The following PRPS2 variants were observed in gnomAD, a reference collection of about 807,000 sequenced individuals.
PRPS2 encodes phosphoribosyl pyrophosphate synthetase 2.
For missense variants in PRPS2, 104 were observed against 271.5 expected, an observed-to-expected ratio of 0.38 and a Z score of 4.34; for synonymous variants, 111 against 115.3, an observed-to-expected ratio of 0.96 and a Z score of 0.24.
chrX:12,820,808 T>C lies in PRPS2; in HGVS notation c.864+5T>C, dbSNP rs954669606. ...AAACACTGCACCAAGATTCAGGTAC[T>C]GTCTATACACCAAAGGCAGCCAAGC... On this transcript the variant is annotated splice_donor_5th_base_variant and intron_variant, in intron 6 of 6. Coordinates refer to ENST00000380668, the MANE Select transcript of PRPS2 (RefSeq NM_002765.5). 4 of 1,209,633 alleles carry C rather than the reference T, an allele frequency of 3.3e-6. No individual in the cohort carries two copies. Among genetic ancestry groups the C allele is most frequent in the Admixed American group, 4.4e-5 (2 of 45,888 alleles).
intron 2 of PRPS2, among the ~76,000 whole-genome samples, chrX:12,801,834 C>T (rs1025318231): frequency 8.9e-6 from 1 of 112,274 alleles, no homozygotes; most frequent in Non-Finnish European, 1.9e-5. Flanking sequence ...GTCTCGAACT[C>T]CTGACCTCAA....
At chrX:12,816,162 A>G (rs1454952162) in intron 4 of PRPS2, among the ~76,000 whole-genome samples, 1 of 111,576 alleles carries the variant, frequency 9.0e-6, no homozygotes, top group Non-Finnish European at 1.9e-5. Context: ...ATGGACCTCA[A>G]TATAGTAATG....
chrX:12,806,321 C>T (rs2042593548), intron 2 of PRPS2, among the ~76,000 whole-genome samples: 1 of 111,780 alleles, frequency 8.9e-6, no homozygotes, highest in Admixed American at 9.5e-5. Flanking sequence ...GTCAATTTTA[C>T]ACTTTTCAAA....
At chrX:12,797,285 G>A (rs1463793237) in intron 1 of PRPS2, among the ~76,000 whole-genome samples, 1 of 110,184 alleles carries the variant, frequency 9.1e-6, no homozygotes, top group East Asian at 2.8e-4. Flanking sequence ...TTGAACCTGG[G>A]TGGCAGAGGT....
chrX:12,791,829 G>A (rs1469131246), intron 1 of PRPS2, among the ~76,000 whole-genome samples: 1 of 111,955 alleles, frequency 8.9e-6, no homozygotes, highest in Non-Finnish European at 1.9e-5. Context: ...GCGCGCCTCG[G>A]CTGTGCCCCC....
At chrX:12,796,224 T>A (rs1198559014) in intron 1 of PRPS2, among the ~76,000 whole-genome samples, 2 of 63,255 alleles carry the variant, frequency 3.2e-5, no homozygotes, top group African/African-American at 9.6e-5. Context: ...TTTTTTTTTT[T>A]TTTTTTTTTT....
intron 1 of PRPS2, 55 bp from the exon 2 acceptor site, chrX:12,799,152 C>T (rs915426304): frequency 2.7e-5 from 31 of 1,141,298 alleles, no homozygotes; most frequent in Admixed American, 2.7e-4. Flanking sequence ...GTCTCAGGGA[C>T]GCCCAAGATG....
intron 2 of PRPS2, among the ~76,000 whole-genome samples, chrX:12,802,952 A>G (rs2042577371): frequency 8.9e-6 from 1 of 112,241 alleles, no homozygotes. Context: ...GTAGTGGCTT[A>G]GGAAGTCATG....
chrX:12,796,213 C>CTTTTTTT (rs751352461), intron 1 of PRPS2, among the ~76,000 whole-genome samples: 3 of 38,679 alleles, frequency 7.8e-5, no homozygotes, highest in Non-Finnish European at 9.7e-5. Flanking sequence ...ATAATTGGCT[C>CTTTTTTT]TTTTTTTTTT....
chrX:12,802,243 C>G (rs182893622), intron 2 of PRPS2, among the ~76,000 whole-genome samples: 1 of 112,167 alleles, frequency 8.9e-6, no homozygotes, highest in Admixed American at 9.4e-5. Flanking sequence ...AGTCCAGCCT[C>G]CATCCCCTAG....
chrX:12,811,029 C>T (rs2042621519), intron 4 of PRPS2, among the ~76,000 whole-genome samples: 1 of 110,785 alleles, frequency 9.0e-6, no homozygotes, highest in African/African-American at 3.3e-5. Flanking sequence ...GGAATGCACA[C>T]GAAAATGTGC....
At chrX:12,792,098 A>G (rs2147212336) in intron 1 of PRPS2, among the ~76,000 whole-genome samples, 1 of 112,719 alleles carries the variant, frequency 8.9e-6, no homozygotes, top group South Asian at 3.6e-4. Flanking sequence ...CGTGCGACTA[A>G]AGGTTTCCCC....
At chrX:12,809,132 G>A (rs189844891) in intron 2 of PRPS2, 102 bp from the exon 3 acceptor site, 37 of 733,637 alleles carry the variant, frequency 5.0e-5, no homozygotes, top group African/African-American at 2.8e-4. Context: ...TTGATGCTTC[G>A]TTGATTGCAT....
At chrX:12,808,603 C>CT (rs1366571176) in intron 2 of PRPS2, among the ~76,000 whole-genome samples, 2 of 112,283 alleles carry the variant, frequency 1.8e-5, no homozygotes, top group Admixed American at 1.9e-4. Flanking sequence ...TATTATCAAT[C>CT]CCCTTACAGT....
chrX:12,802,623 G>T (rs1343407717), intron 2 of PRPS2, among the ~76,000 whole-genome samples: 1 of 112,184 alleles, frequency 8.9e-6, no homozygotes, highest in Non-Finnish European at 1.9e-5. Flanking sequence ...ACAGGCATGA[G>T]CCATCGCGCC....
Position 12,798,729 on chromosome X carries a change from C to T in PRPS2, c.123-478C>T, listed in dbSNP as rs371140738. On this transcript the variant is annotated intron_variant, in intron 1 of 6. Transcript: ENST00000380668. Reference sequence around the variant, plus strand: ...GCTTACATTTTGCAAGGGTACCCACCATTTCCCAGTAAGGATGGCTCACTG... The same window carrying T: ...GCTTACATTTTGCAAGGGTACCCACTATTTCCCAGTAAGGATGGCTCACTG... Among the ~76,000 whole-genome samples the T allele has an allele frequency of 6.2e-5, 7 of 112,052 alleles. No individual in the cohort carries two copies. In the East Asian group the frequency reaches 1.4e-3, roughly 22 times the overall value.
At chrX:12,812,736 A>G (rs1434948633) in intron 4 of PRPS2, among the ~76,000 whole-genome samples, 4 of 112,371 alleles carry the variant, frequency 3.6e-5, no homozygotes, top group Non-Finnish European at 7.5e-5. Context: ...AACCATCACT[A>G]TCTAATTCCA....
intron 6 of PRPS2, among the ~76,000 whole-genome samples, chrX:12,822,328 G>T (rs1380356077): frequency 1.8e-5 from 2 of 112,317 alleles, no homozygotes; most frequent in African/African-American, 6.5e-5. Context: ...GATCACAGTT[G>T]TGCTCTTAAA....
intron 4 of PRPS2, among the ~76,000 whole-genome samples, chrX:12,816,885 G>A (rs754118079): frequency 9.0e-6 from 1 of 111,644 alleles, no homozygotes; most frequent in South Asian, 3.8e-4. Context: ...GTTTTGCTGA[G>A]TATAGACTCC....
Sources: allele counts gnomAD v4.1 joint callset (sites outside exome capture counted in the v4.1 genomes callset), GRCh38; gene constraint gnomAD v4.1.1; transcripts MANE v1.5; gene names NCBI Gene and HGNC (gene_info 2026-07-23, HGNC 2026-07-21).